The following ADGRL3 variants were observed in gnomAD, a reference collection of about 807,000 sequenced individuals.
The protein encoded by ADGRL3 is calcium-independent alpha-latrotoxin receptor 3.
ADGRL3 carries 62 observed loss-of-function variants against 153.5 expected under a neutral mutation model. That is an observed-to-expected ratio of 0.40 (90% CI 0.33 to 0.50). The LOEUF is 0.50. Among genes scored for constraint, ADGRL3 ranks in the 20% least tolerant of loss-of-function variants. The pLI, the probability that ADGRL3 is intolerant of heterozygous loss-of-function variation, is 0.47. For missense variants in ADGRL3, 1,641 were observed against 1,859.4 expected (o/e 0.88, Z 2.16); for synonymous variants, 710 against 672.5 (o/e 1.06, Z -0.86).
At chr4:62,011,650 T>C (rs529498957) in intron 21 of ADGRL3, among the ~76,000 whole-genome samples, 1 of 152,282 alleles carries the variant, frequency 6.6e-6, no homozygotes, top group African/African-American at 2.4e-5. Context: ...GTAGTATGTC[T>C]GGATCTGTAT....
intron 21 of ADGRL3, 46 bp downstream of exon 21, chr4:61,998,311 T>C (rs1402314014): frequency 1.1e-6 from 1 of 937,748 alleles, no homozygotes; most frequent in Non-Finnish European, 1.6e-6. Context: ...GTTACATTTA[T>C]ACTCCAAACT....
chr4:61,280,250 C>T (rs1359798724), intron 1 of ADGRL3, among the ~76,000 whole-genome samples: 3 of 151,462 alleles, frequency 2.0e-5, no homozygotes, highest in Non-Finnish European at 4.4e-5. Flanking sequence ...GCTGGGACTA[C>T]AGGAGCACGC....
At chr4:61,973,967 T>TTTTTG (rs1401605429) in intron 17 of ADGRL3, among the ~76,000 whole-genome samples, 1 of 152,092 alleles carries the variant, frequency 6.6e-6, no homozygotes, top group Non-Finnish European at 1.5e-5. Context: ...CTTTGGACAT[T>TTTTTG]TTTTGTTTTG....
intron 2 of ADGRL3, among the ~76,000 whole-genome samples, chr4:61,430,378 A>C (rs539475768): frequency 1.1e-4 from 16 of 152,270 alleles, no homozygotes; most frequent in Non-Finnish European, 1.9e-4. Flanking sequence ...GCATTTAATT[A>C]TGTCCTAAAA....
intron 1 of ADGRL3, among the ~76,000 whole-genome samples, chr4:61,337,222 C>A (rs537638734): frequency 6.6e-6 from 1 of 152,244 alleles, no homozygotes; most frequent in South Asian, 2.1e-4. Context: ...GTACCCCTGA[C>A]CCCTTTGTGG....
intron 21 of ADGRL3, among the ~76,000 whole-genome samples, chr4:62,010,063 T>C (rs2099177607): frequency 6.6e-6 from 1 of 152,090 alleles, no homozygotes; most frequent in Non-Finnish European, 1.5e-5. Flanking sequence ...CCCACACATG[T>C]AGATGTTTTC....
At chr4:61,738,812 T>C (rs893217481) in intron 8 of ADGRL3, among the ~76,000 whole-genome samples, 1 of 152,222 alleles carries the variant, frequency 6.6e-6, no homozygotes, top group African/African-American at 2.4e-5. Context: ...CAACAATAGC[T>C]ATGTTAAGAA....
intron 15 of ADGRL3, among the ~76,000 whole-genome samples, chr4:61,946,146 T>G (rs1394130675): frequency 6.6e-6 from 1 of 152,202 alleles, no homozygotes; most frequent in Non-Finnish European, 1.5e-5. Context: ...TTGTCAAATA[T>G]TTTTCCAAAC....
chr4:61,527,739 G>A (rs1368557119), intron 4 of ADGRL3, among the ~76,000 whole-genome samples: 1 of 152,114 alleles, frequency 6.6e-6, no homozygotes, highest in Admixed American at 6.6e-5. Context: ...GCTATGAAAT[G>A]TATTCACTTT....
intron 8 of ADGRL3, among the ~76,000 whole-genome samples, chr4:61,757,982 G>C (rs1421045826): frequency 2.0e-5 from 3 of 151,346 alleles, no homozygotes; most frequent in Non-Finnish European, 4.4e-5. Flanking sequence ...TGTGGTCTGA[G>C]AGACAGTTAG....
intron 4 of ADGRL3, among the ~76,000 whole-genome samples, chr4:61,557,068 C>T (rs1560836166): frequency 6.6e-6 from 1 of 152,052 alleles, no homozygotes. Flanking sequence ...CCAGTAGTTT[C>T]AACACTGGTA....
At chr4:61,292,624 G>A (rs542207167) in intron 1 of ADGRL3, among the ~76,000 whole-genome samples, 1 of 152,296 alleles carries the variant, frequency 6.6e-6, no homozygotes, top group South Asian at 2.1e-4. Flanking sequence ...GGTCGTACTA[G>A]AGTGAATAAC....
intron 2 of ADGRL3, among the ~76,000 whole-genome samples, chr4:61,468,967 T>C (rs756349832): frequency 2.6e-5 from 4 of 152,158 alleles, no homozygotes; most frequent in Non-Finnish European, 5.9e-5. Context: ...TTATTTTGTG[T>C]GTGTACCTTG....
Position 61,656,094 on chromosome 4 carries a change from A to G in ADGRL3, c.474-20732A>G, listed in dbSNP as rs2094435712. On this transcript the variant is annotated intron_variant, in intron 5 of 26. Transcript: ENST00000683033. ...TGTTGAAGTAAAGCATTAGATGCTTACTTTGTTGCCAAAAGGTCAATAAAA... is the reference window on the plus strand; with the variant it reads ...TGTTGAAGTAAAGCATTAGATGCTTGCTTTGTTGCCAAAAGGTCAATAAAA... 2.0e-5 allele frequency among the ~76,000 whole-genome samples: 3 copies of G among 152,162 alleles called. No individual in the cohort carries two copies. The South Asian group carries it at 6.2e-4, about 32-fold the overall frequency.
chr4:61,226,224 C>T (rs6817598), intron 1 of ADGRL3, among the ~76,000 whole-genome samples: 3,124 of 152,206 alleles, frequency 0.021, 121 homozygotes, highest in African/African-American at 0.071. Flanking sequence ...GTCCTTTCTC[C>T]TAGCATTATG....
intron 4 of ADGRL3, among the ~76,000 whole-genome samples, chr4:61,519,391 G>T (rs1418069759): frequency 6.6e-6 from 1 of 152,136 alleles, no homozygotes; most frequent in Non-Finnish European, 1.5e-5. Flanking sequence ...GAAAACGACA[G>T]TACAAGCCAA....
intron 25 of ADGRL3, among the ~76,000 whole-genome samples, chr4:62,048,818 G>T (rs1164247619): frequency 3.9e-5 from 6 of 152,046 alleles, no homozygotes; most frequent in East Asian, 1.9e-4. Flanking sequence ...CTCCCAAAGT[G>T]CTGGGATTAC....
At chr4:61,594,620 T>C (rs2098981811) in intron 5 of ADGRL3, among the ~76,000 whole-genome samples, 1 of 152,144 alleles carries the variant, frequency 6.6e-6, no homozygotes, top group African/African-American at 2.4e-5. Flanking sequence ...ATATTGAGTG[T>C]CTCTCTCTGT....
At chr4:61,900,118 A>G (rs192077179) in intron 11 of ADGRL3, among the ~76,000 whole-genome samples, 172 of 152,238 alleles carry the variant, frequency 1.1e-3, no homozygotes, top group African/African-American at 3.9e-3. Flanking sequence ...TAACCTCTGG[A>G]TTCGTTTCCC....
Sources: gnomAD v4.1 joint callset for allele counts (sites outside exome capture counted in the v4.1 genomes callset) on GRCh38, gnomAD v4.1.1 for gene constraint, MANE v1.5 for transcripts, NCBI Gene and HGNC (gene_info 2026-07-23, HGNC 2026-07-21) for gene names.